TBC1D22A: variants seen among roughly 807,000 people sequenced by gnomAD.
TBC1D22A encodes putative GTPase activator.
A neutral mutation model predicts 60.2 loss-of-function variants in TBC1D22A; 38 were observed. The ratio of observed to expected loss-of-function variants is 0.63; its 90% CI spans 0.49 to 0.83. TBC1D22A has a LOEUF of 0.83. Among genes scored for constraint, TBC1D22A ranks in the 40% least tolerant of loss-of-function variants. The pLI, the probability that TBC1D22A is intolerant of heterozygous loss-of-function variation, is 0.00. For synonymous variants in TBC1D22A, 302 were observed against 281.7 expected, an observed-to-expected ratio of 1.07 and a Z score of -0.72; for missense variants, 628 against 701.0, an observed-to-expected ratio of 0.90 and a Z score of 1.18.
rs376067444 is a variant in TBC1D22A at position 47,075,091 on chromosome 22, C to T, written c.1330-36417C>T. ...ACAAAAAATTAGCCACGCATGTTGG[C>T]GGGCGCCTGTAGTCCCAGCTGCTCG... On this transcript the variant is annotated intron_variant, in intron 11 of 12. Coordinates refer to ENST00000337137, the MANE Select transcript of TBC1D22A (RefSeq NM_014346.5). Among the ~76,000 whole-genome samples the T allele has an allele frequency of 4.5e-4, 69 of 152,166 alleles. 1 individual carries two copies. In the South Asian group the frequency reaches 0.013, roughly 29 times the overall value.
At position 46,858,014 on chromosome 22, in the gene TBC1D22A, G is replaced by A. The variant is rs545643522; in HGVS notation, c.638-20639G>A. 3.2e-4 allele frequency among the ~76,000 whole-genome samples: 48 copies of A among 152,242 alleles called. 1 individual carries two copies. In the East Asian group the frequency reaches 6.4e-3, roughly 20 times the overall value. On this transcript the variant is annotated intron_variant, in intron 4 of 12. Transcript: ENST00000337137. The stretch of plus-strand genomic sequence containing the variant: ...CTGAGGAGTGGCGCTGCTGGCTCAC[G>A]TGGTAACTCCATGTTGAGCATCGCC...
At chr22:47,045,921 A>G (rs1015834362) in intron 11 of TBC1D22A, among the ~76,000 whole-genome samples, 1 of 152,028 alleles carries the variant, frequency 6.6e-6, no homozygotes, top group Admixed American at 6.5e-5. Flanking sequence ...CTGCACCCCC[A>G]CAGCACCCCC....
intron 11 of TBC1D22A, among the ~76,000 whole-genome samples, chr22:47,111,205 T>G (rs1185287954): frequency 1.3e-5 from 2 of 152,248 alleles, no homozygotes; most frequent in African/African-American, 4.8e-5. Flanking sequence ...AATTTGTCTC[T>G]TATCCTTTTT....
At chr22:46,815,367 T>C (rs2085551605) in intron 4 of TBC1D22A, among the ~76,000 whole-genome samples, 1 of 152,216 alleles carries the variant, frequency 6.6e-6, no homozygotes, top group South Asian at 2.1e-4. Context: ...TCTTTGCCCT[T>C]CGTTTCCTCT....
chr22:47,127,413 G>GT (rs2066502119), intron 12 of TBC1D22A, among the ~76,000 whole-genome samples: 1 of 44,454 alleles, frequency 2.2e-5, no homozygotes, highest in African/African-American at 7.9e-5. Context: ...TTTTTTTTTT[G>GT]TATTTTTAGT....
intron 8 of TBC1D22A, among the ~76,000 whole-genome samples, chr22:46,957,469 G>C (rs1050864272): frequency 6.6e-6 from 1 of 152,200 alleles, no homozygotes; most frequent in Non-Finnish European, 1.5e-5. Flanking sequence ...GGGAAATGTC[G>C]GATGCTTATA....
rs1556041113 is a variant in TBC1D22A, at chr22:47,062,931, G to GT, written c.1329+25735dup. Among the ~76,000 whole-genome samples, 3 of 152,096 alleles carry GT rather than the reference G, an allele frequency of 2.0e-5. No homozygotes were observed. The East Asian group carries it at 5.8e-4, about 29-fold the overall frequency. ...CCAGGCCACCATGTGCAACGAGTTAGTTGGTACTGCATCTGGGAAAAAGCC... is the reference window on the plus strand; with the variant it reads ...CCAGGCCACCATGTGCAACGAGTTAGTTTGGTACTGCATCTGGGAAAAAGCC... On this transcript the variant is annotated intron_variant, in intron 11 of 12. Transcript: ENST00000337137.
chr22:47,107,598 G>A (rs1414060897), intron 11 of TBC1D22A, among the ~76,000 whole-genome samples: 1 of 152,230 alleles, frequency 6.6e-6, no homozygotes, highest in East Asian at 1.9e-4. Flanking sequence ...TAAACGAAGA[G>A]CTATATCATG....
chr22:46,794,646 C>T (rs2084573000), intron 3 of TBC1D22A, among the ~76,000 whole-genome samples: 1 of 152,166 alleles, frequency 6.6e-6, no homozygotes, highest in Non-Finnish European at 1.5e-5. Context: ...GCAGCACTGC[C>T]CACAGTCAGC....
intron 4 of TBC1D22A, among the ~76,000 whole-genome samples, chr22:46,874,947 C>T (rs532120881): frequency 6.6e-6 from 1 of 152,214 alleles, no homozygotes; most frequent in South Asian, 2.1e-4. Flanking sequence ...ATTTAAGTTG[C>T]TTATAGATGC....
intron 7 of TBC1D22A, 142 bp downstream of exon 7, chr22:46,894,988 T>A: frequency 1.3e-6 from 1 of 781,570 alleles, no homozygotes; most frequent in Non-Finnish European, 2.2e-6. Context: ...CTAGCCCTTG[T>A]GGACACAGTT....
At chr22:47,010,699 A>C (rs976105834) in intron 10 of TBC1D22A, among the ~76,000 whole-genome samples, 1 of 152,194 alleles carries the variant, frequency 6.6e-6, no homozygotes, top group Admixed American at 6.5e-5. Flanking sequence ...TACCCCAGGC[A>C]GGAATTTGCT....
intron 12 of TBC1D22A, among the ~76,000 whole-genome samples, chr22:47,124,700 C>T (rs923155569): frequency 9.9e-5 from 15 of 151,808 alleles, no homozygotes; most frequent in African/African-American, 3.4e-4. Flanking sequence ...GGCCGCAGGG[C>T]GAGGGGGACA....
chr22:46,815,219 A>T (rs1343328669), intron 4 of TBC1D22A, among the ~76,000 whole-genome samples: 1 of 152,170 alleles, frequency 6.6e-6, no homozygotes, highest in East Asian at 1.9e-4. Flanking sequence ...GTGTATTTCC[A>T]TGGCGTGAGC....
At chr22:47,134,304 CT>C (rs1292346384) in intron 12 of TBC1D22A, among the ~76,000 whole-genome samples, 1 of 152,154 alleles carries the variant, frequency 6.6e-6, no homozygotes, top group African/African-American at 2.4e-5. Flanking sequence ...ACATCTCCCT[CT>C]CAGCTGTCAC....
At chr22:47,146,086 G>C (rs966004435) in intron 12 of TBC1D22A, among the ~76,000 whole-genome samples, 1 of 150,790 alleles carries the variant, frequency 6.6e-6, no homozygotes, top group Non-Finnish European at 1.5e-5. Context: ...TTAAAGCAGG[G>C]GTTGACTGGG....
intron 4 of TBC1D22A, among the ~76,000 whole-genome samples, chr22:46,831,961 C>CG (rs1464840193): frequency 6.6e-6 from 1 of 151,984 alleles, no homozygotes; most frequent in African/African-American, 2.4e-5. Flanking sequence ...GTCCTTTCCC[C>CG]CCTCATTATT....
intron 4 of TBC1D22A, among the ~76,000 whole-genome samples, chr22:46,878,405 C>T (rs1050664843): frequency 1.4e-4 from 5 of 36,860 alleles, no homozygotes; most frequent in Admixed American, 3.6e-4. Context: ...CATGGGGCCT[C>T]ACGTGTTCCA....
rs74523493 is a variant in TBC1D22A at position 47,029,591 on chromosome 22, C to T, written c.1202-7480C>T. On this transcript the variant is annotated intron_variant, in intron 10 of 12. Coordinates refer to ENST00000337137, the MANE Select transcript of TBC1D22A (RefSeq NM_014346.5). ...GTCCAGCCCAGACTCGGCTGCTGCC[C>T]GAAGGAGAAGACCTGCCGGCAGCCT... Among the ~76,000 whole-genome samples the T allele has an allele frequency of 1.6e-3, 239 of 152,322 alleles. 2 individuals carry two copies. The highest frequency in any genetic ancestry group is 5.6e-3 in the African/African-American group (231 of 41,578).
Sources: allele counts gnomAD v4.1 joint callset (sites outside exome capture counted in the v4.1 genomes callset), GRCh38; gene constraint gnomAD v4.1.1; transcripts MANE v1.5; gene names NCBI Gene and HGNC (gene_info 2026-07-23, HGNC 2026-07-21).